RHAG: variants seen among roughly 807,000 people sequenced by gnomAD.
RHAG encodes Rh associated glycoprotein, also known as ammonium transporter Rh type A.
Under a neutral mutation model 42.4 loss-of-function variants are expected in RHAG, and 25 were observed. The ratio of observed to expected loss-of-function variants is 0.59; its 90% CI spans 0.43 to 0.82. The LOEUF (loss-of-function observed/expected upper bound fraction) is 0.82, where lower values mean the gene tolerates loss of function less well. Ranked by LOEUF, RHAG falls within the 40% of genes least tolerant of loss-of-function variation. The pLI, the probability that RHAG is intolerant of heterozygous loss-of-function variation, is 0.00. For missense variants in RHAG, 483 were observed against 504.6 expected, an observed-to-expected ratio of 0.96 and a Z score of 0.41; for synonymous variants, 182 against 177.7, an observed-to-expected ratio of 1.02 and a Z score of -0.19.
At chr6:49,609,837 C>T (rs1250306620) in intron 7 of RHAG, among the ~76,000 whole-genome samples, 1 of 152,184 alleles carries the variant, frequency 6.6e-6, no homozygotes, top group Non-Finnish European at 1.5e-5. Flanking sequence ...ACATTTCCCT[C>T]TTCTTCATGC....
At chr6:49,617,161 A>G (rs1280618493) in intron 3 of RHAG, among the ~76,000 whole-genome samples, 1 of 152,070 alleles carries the variant, frequency 6.6e-6, no homozygotes, top group Non-Finnish European at 1.5e-5. Flanking sequence ...CTCATCACCA[A>G]TTCAAGACTG....
chr6:49,632,215 A>T (rs1202959390), intron 1 of RHAG: 1 of 152,232 alleles, frequency 6.6e-6, no homozygotes, highest in African/African-American at 2.4e-5. Context: ...TATCTCAGAA[A>T]AAAAGCACTT....
intron 1 of RHAG, among the ~76,000 whole-genome samples, chr6:49,626,204 A>G (rs1762841378): frequency 6.6e-6 from 1 of 152,166 alleles, no homozygotes; most frequent in South Asian, 2.1e-4. Flanking sequence ...AATTAACTCA[A>G]AAGTCCACAG....
chr6:49,628,333 C>G (rs1762875142), intron 1 of RHAG, among the ~76,000 whole-genome samples: 1 of 152,112 alleles, frequency 6.6e-6, no homozygotes, highest in African/African-American at 2.4e-5. Flanking sequence ...TTTGTAGCGA[C>G]AGGGTCTCAC....
intron 8 of RHAG, 63 bp downstream of exon 8, chr6:49,607,087 A>G: frequency 1.8e-5 from 25 of 1,425,522 alleles, no homozygotes; most frequent in Non-Finnish European, 2.5e-5. Context: ...TTGCTCATTA[A>G]TTATCTATTG....
At chr6:49,606,436 TTCTG>T (rs1340790001) in intron 9 of RHAG, among the ~76,000 whole-genome samples, 3 of 152,092 alleles carry the variant, frequency 2.0e-5, no homozygotes, top group South Asian at 2.1e-4. Flanking sequence ...CTTTCTGTCT[TTCTG>T]TCTGTCTTTC....
At chr6:49,606,382 G>A (rs1774164058) in intron 9 of RHAG, among the ~76,000 whole-genome samples, 1 of 152,176 alleles carries the variant, frequency 6.6e-6, no homozygotes, top group Non-Finnish European at 1.5e-5. Flanking sequence ...ATGGCTCTCA[G>A]AGGAGTGAAA....
chr6:49,632,208 C>G (rs560437794), intron 1 of RHAG: 13 of 152,234 alleles, frequency 8.5e-5, no homozygotes, highest in African/African-American at 3.1e-4. Context: ...GTGATGGTAT[C>G]TCAGAAAAAA....
In RHAG at chr6:49,605,516, C is replaced by T. The variant is rs1774145849; in HGVS notation, c.*297G>A. The stretch of plus-strand genomic sequence containing the variant: ...TGTTTACTCTGTATTTACTCACTGC[C>T]AAAAGCTTTTTGGGAATCCTGGAGA... On this transcript the variant is annotated 3_prime_UTR_variant, in exon 10 of 10. Coordinates refer to ENST00000371175, the MANE Select transcript of RHAG (RefSeq NM_000324.3). The T allele has an allele frequency of 2.1e-6, 1 of 475,212 alleles. No individual in the cohort carries two copies. Among genetic ancestry groups the T allele is most frequent in the Admixed American group, 3.3e-5 (1 of 30,556 alleles). The allele number at this position is 475,212 out of a possible 1,614,324, so 29.4% of individuals were successfully genotyped here.
Position 49,606,887 on chromosome 6 carries a change from T to A in RHAG, c.1173A>T (p.Pro391=), listed in dbSNP as rs1047245855. The A allele has an allele frequency of 6.2e-7, 1 of 1,612,440 alleles. No individual in the cohort carries two copies. The highest frequency in any genetic ancestry group is 8.5e-7 in the Non-Finnish European group (1 of 1,178,544). The change falls in exon 9 of 10, where the codon CCA becomes CCT. Residue 391 remains proline (P), a synonymous_variant. Coordinates refer to ENST00000371175, the MANE Select transcript of RHAG (RefSeq NM_000324.3). ...AATCATCATAGCAGTTCTGGTCAGATGGCTGTCCCCAGAGAGGCAACTTTA... is the reference window on the plus strand; with the variant it reads ...AATCATCATAGCAGTTCTGGTCAGAAGGCTGTCCCCAGAGAGGCAACTTTA... ...LILKLPLWGQ[P]SDQNCYDDSV...
intron 1 of RHAG, among the ~76,000 whole-genome samples, chr6:49,635,156 T>G (rs1350437007): frequency 6.6e-6 from 1 of 151,506 alleles, no homozygotes; most frequent in African/African-American, 2.4e-5. Context: ...AAAATGACCA[T>G]GTTTAGTGAC....
In RHAG at chr6:49,634,956, C is replaced by CTGTGTGTGTGTGTGTG. The variant is rs72452277; in HGVS notation, c.157+1684_157+1699dup. Among the ~76,000 whole-genome samples, 539 of 129,714 alleles carry CTGTGTGTGTGTGTGTG rather than the reference C, an allele frequency of 4.2e-3. 4 individuals carry two copies. Among genetic ancestry groups the CTGTGTGTGTGTGTGTG allele is most frequent in the Non-Finnish European group, 5.4e-3 (340 of 63,178 alleles). The allele number at this position is 129,714 out of a possible 152,430, so 85.1% of individuals were successfully genotyped here. A position where few individuals can be genotyped will look rare whatever the true frequency, so the allele number is the denominator to read the frequency against. ...CATTGTTATTATTGTGTGTGTACACCTGTGTGTGTGTGTGTGTGTGTGTTT... is the reference window on the plus strand; with the variant it reads ...CATTGTTATTATTGTGTGTGTACACCTGTGTGTGTGTGTGTGTGTGTGTGTGTGTGTGTGTGTGTTT... On this transcript the variant is annotated intron_variant, in intron 1 of 9. Coordinates refer to ENST00000371175, the MANE Select transcript of RHAG (RefSeq NM_000324.3).
Position 49,619,187 on chromosome 6 carries a change from T to C in RHAG, c.333A>G (p.Gly111=). Residue 111 remains glycine, a synonymous_variant, in exon 2 of 10, where the codon GGA becomes GGG. Coordinates refer to ENST00000371175, the MANE Select transcript of RHAG (RefSeq NM_000324.3). ...ACAGTAAGGATGCTCACTTTTTGAT[T>C]CCAATGTTAAATTTCTGTCCCTGGC... ...LQSQGQKFNI[G]IKNMINADFS... 6.2e-7 allele frequency: 1 copy of C among 1,613,980 alleles called. No individual in the cohort carries two copies. Among genetic ancestry groups the C allele is most frequent in the Non-Finnish European group, 8.5e-7 (1 of 1,179,898 alleles).
rs1289622217 is a variant in RHAG at position 49,618,090 on chromosome 6, T to C, written c.470A>G (p.Tyr157Cys). The C allele has an allele frequency of 6.2e-7, 1 of 1,613,898 alleles. No homozygotes were observed. The highest frequency in any genetic ancestry group is 8.5e-7 in the Non-Finnish European group (1 of 1,179,886). ...LEIVFFAHNE[Y>C]LVSEIFKASD... ...TACCTTAAATATTTCACTAACCAGG[T>C]ATTCATTGTGGGCAAAGAAAACAAT... Residue 157 changes from tyrosine (Y) to cysteine (C), a missense_variant, in exon 3 of 10, where the codon TAC (tyrosine) becomes TGC (cysteine). Coordinates refer to ENST00000371175, the MANE Select transcript of RHAG (RefSeq NM_000324.3).
At chr6:49,607,031 A>G (rs1581935068) in intron 8 of RHAG, 110 bp from the exon 9 acceptor site, 1 of 1,198,450 alleles carries the variant, frequency 8.3e-7, no homozygotes, top group East Asian at 2.4e-5. Context: ...TGACATAATT[A>G]CTTTACTGCC....
intron 5 of RHAG, among the ~76,000 whole-genome samples, chr6:49,614,182 T>A (rs1313388182): frequency 6.7e-6 from 1 of 148,194 alleles, no homozygotes; most frequent in East Asian, 1.9e-4. Context: ...AGGACAAAAA[T>A]TTTTTTTTTC....
intron 7 of RHAG, among the ~76,000 whole-genome samples, chr6:49,609,131 A>G (rs1470707872): frequency 6.6e-6 from 1 of 152,200 alleles, no homozygotes; most frequent in Non-Finnish European, 1.5e-5. Flanking sequence ...CTGAATAGAC[A>G]CATGTAAGTA....
intron 1 of RHAG, among the ~76,000 whole-genome samples, chr6:49,620,988 C>T (rs1182804298): frequency 6.6e-6 from 1 of 152,164 alleles, no homozygotes; most frequent in Non-Finnish European, 1.5e-5. Flanking sequence ...TGAACTCCAA[C>T]CTGACTTTCC....
intron 1 of RHAG, among the ~76,000 whole-genome samples, chr6:49,620,680 T>C (rs1762741866): frequency 6.6e-6 from 1 of 152,196 alleles, no homozygotes; most frequent in South Asian, 2.1e-4. Flanking sequence ...TACGGGCGCA[T>C]GCCACCATGC....
Sources: allele counts gnomAD v4.1 joint callset (sites outside exome capture counted in the v4.1 genomes callset), GRCh38; gene constraint gnomAD v4.1.1; transcripts MANE v1.5; gene names NCBI Gene and HGNC (gene_info 2026-07-23, HGNC 2026-07-21).